STXBP5L: variants seen among roughly 807,000 people sequenced by gnomAD.
STXBP5L encodes the protein syntaxin-binding protein 5-like.
In STXBP5L, 65 loss-of-function variants were observed where a neutral mutation model predicts 144.5. The ratio of observed to expected loss-of-function variants is 0.45; its 90% confidence interval spans 0.37 to 0.55. The LOEUF is 0.55. STXBP5L is among the 20% of genes least tolerant of loss of function. The pLI is 0.00. For synonymous variants in STXBP5L, 505 were observed against 469.6 expected, an observed-to-expected ratio of 1.08 and a Z score of -0.97; for missense variants, 1,298 against 1,405.5, an observed-to-expected ratio of 0.92 and a Z score of 1.22.
chr3:121,280,909 CTAATAA>C (rs150499478), intron 19 of STXBP5L, among the ~76,000 whole-genome samples: 16 of 148,904 alleles, frequency 1.1e-4, no homozygotes, highest in Non-Finnish European at 2.2e-4. Context: ...GACCCCATCT[CTAATAA>C]TAATAATAAT....
chr3:121,105,601 TGGTG>T (rs1181608013), intron 5 of STXBP5L, among the ~76,000 whole-genome samples: 1 of 152,114 alleles, frequency 6.6e-6, no homozygotes, highest in East Asian at 1.9e-4. Flanking sequence ...TCTACACTGT[TGGTG>T]GGAATGTAAA....
At chr3:120,982,169 G>A (rs1459500055) in intron 3 of STXBP5L, among the ~76,000 whole-genome samples, 1 of 152,158 alleles carries the variant, frequency 6.6e-6, no homozygotes, top group African/African-American at 2.4e-5. Flanking sequence ...GTGTAAGAGT[G>A]GCTGTGGCAG....
At position 121,038,212 on chromosome 3, in the gene STXBP5L, CCTT is replaced by C. The variant is rs1261734402; in HGVS notation, c.288-3484_288-3482del. Among the ~76,000 whole-genome samples, 25 of 151,846 alleles carry C rather than the reference CCTT, an allele frequency of 1.6e-4. 1 individual carries two copies. Among genetic ancestry groups the C allele is most frequent in the South Asian group, 4.2e-4 (2 of 4,814 alleles). On this transcript the variant is annotated intron_variant, in intron 3 of 26. Coordinates refer to ENST00000471454, the MANE Select transcript of STXBP5L (RefSeq NM_001308330.2). Reference sequence around the variant, plus strand: ...AAATTAATTTGCTCTTCTTTTTCTACCTTCTTAAGATGAAAGCTTACATAATTT... The same window carrying C: ...AAATTAATTTGCTCTTCTTTTTCTACCTTAAGATGAAAGCTTACATAATTT...
chr3:120,911,167 A>G (rs1372816605), intron 2 of STXBP5L, among the ~76,000 whole-genome samples: 1 of 152,140 alleles, frequency 6.6e-6, no homozygotes, highest in Non-Finnish European at 1.5e-5. Flanking sequence ...GGTATAGGAA[A>G]GATAGACTTC....
Position 121,092,905 on chromosome 3 carries a change from G to C in STXBP5L, c.471-22020G>C, listed in dbSNP as rs185231009. 5.0e-3 allele frequency among the ~76,000 whole-genome samples: 764 copies of C among 152,228 alleles called. 8 individuals are homozygous for C. Among genetic ancestry groups the C allele is most frequent in the African/African-American group, 0.017 (719 of 41,568 alleles). On this transcript the variant is annotated intron_variant, in intron 5 of 26. Coordinates refer to ENST00000471454, the MANE Select transcript of STXBP5L (RefSeq NM_001308330.2). The stretch of plus-strand genomic sequence containing the variant: ...CCCATTCAGTATGATATTGGCTGTG[G>C]GTTTGTCATAGATAGCTGTTATTGT...
At chr3:121,024,049 T>C (rs1052788501) in intron 3 of STXBP5L, among the ~76,000 whole-genome samples, 6 of 152,064 alleles carry the variant, frequency 3.9e-5, no homozygotes, top group Non-Finnish European at 7.4e-5. Flanking sequence ...TGAGCCACCG[T>C]GCCTGGCCTA....
At chr3:121,100,341 T>A (rs1474995098) in intron 5 of STXBP5L, among the ~76,000 whole-genome samples, 1 of 152,070 alleles carries the variant, frequency 6.6e-6, no homozygotes, top group Admixed American at 6.6e-5. Context: ...CTTGACCACA[T>A]CCTGGTCCAT....
chr3:120,926,609 T>C (rs921426295), intron 2 of STXBP5L, among the ~76,000 whole-genome samples: 13 of 152,122 alleles, frequency 8.5e-5, no homozygotes, highest in African/African-American at 2.7e-4. Flanking sequence ...AGTTTTCTGT[T>C]ATTATTTCTT....
intron 10 of STXBP5L, among the ~76,000 whole-genome samples, chr3:121,209,406 TA>T (rs1298818780): frequency 6.6e-6 from 1 of 152,288 alleles, no homozygotes; most frequent in Non-Finnish European, 1.5e-5. Context: ...AAAGCATTCC[TA>T]TTTTTTTATG....
chr3:120,936,786 AT>A (rs1710287481), intron 2 of STXBP5L, among the ~76,000 whole-genome samples: 1 of 151,672 alleles, frequency 6.6e-6, no homozygotes, highest in South Asian at 2.1e-4. Flanking sequence ...ATTTTTTTGT[AT>A]TTTTAGGCCT....
intron 3 of STXBP5L, among the ~76,000 whole-genome samples, chr3:121,038,779 GT>G (rs536876385): frequency 6.6e-6 from 1 of 151,756 alleles, no homozygotes; most frequent in African/African-American, 2.4e-5. Flanking sequence ...CTGTAATTAG[GT>G]GTATAATTTA....
intron 2 of STXBP5L, among the ~76,000 whole-genome samples, chr3:120,930,388 G>A (rs992249008): frequency 1.3e-5 from 2 of 151,838 alleles, no homozygotes; most frequent in African/African-American, 4.8e-5. Context: ...TGTTTTGGCT[G>A]TGTTTTAGCT....
chr3:121,319,610 G>A (rs1180740393), intron 20 of STXBP5L, among the ~76,000 whole-genome samples: 2 of 151,900 alleles, frequency 1.3e-5, no homozygotes, highest in Non-Finnish European at 2.9e-5. Flanking sequence ...ACCCAATTTA[G>A]GTATTTATTG....
intron 9 of STXBP5L, among the ~76,000 whole-genome samples, chr3:121,177,187 T>TA (rs1431113829): frequency 6.6e-6 from 1 of 152,014 alleles, no homozygotes; most frequent in African/African-American, 2.4e-5. Flanking sequence ...AAAGACACTG[T>TA]AAAATAATAT....
chr3:120,974,241 G>A (rs537390149), intron 3 of STXBP5L, among the ~76,000 whole-genome samples: 68 of 152,176 alleles, frequency 4.5e-4, no homozygotes, highest in African/African-American at 1.5e-3. Context: ...ATTCTAACTG[G>A]TGTGAGATGG....
At chr3:121,369,254 A>C (rs2108656249) in intron 20 of STXBP5L, among the ~76,000 whole-genome samples, 1 of 152,078 alleles carries the variant, frequency 6.6e-6, no homozygotes, top group South Asian at 2.1e-4. Context: ...CCAGAGTTCC[A>C]CAGTAGTTCT....
intron 3 of STXBP5L, among the ~76,000 whole-genome samples, chr3:121,036,397 T>G (rs1030905612): frequency 2.0e-5 from 3 of 152,172 alleles, no homozygotes; most frequent in Non-Finnish European, 2.9e-5. Flanking sequence ...TATGGCTTTC[T>G]TATGGTTTTC....
At chr3:121,349,913 A>G (rs556719174) in intron 20 of STXBP5L, among the ~76,000 whole-genome samples, 83 of 152,080 alleles carry the variant, frequency 5.5e-4, no homozygotes, top group Middle Eastern at 3.4e-3. Context: ...TCTTTATCCA[A>G]TTTGCCAGTC....
intron 21 of STXBP5L, among the ~76,000 whole-genome samples, chr3:121,379,175 TAAGA>T (rs901339591): frequency 2.0e-5 from 3 of 152,070 alleles, no homozygotes; most frequent in African/African-American, 7.2e-5. Context: ...CCATAATAAT[TAAGA>T]GTTTATTTCA....
Sources: gnomAD v4.1 joint callset for allele counts (sites outside exome capture counted in the v4.1 genomes callset) on GRCh38, gnomAD v4.1.1 for gene constraint, MANE v1.5 for transcripts, NCBI Gene and HGNC (gene_info 2026-07-23, HGNC 2026-07-21) for gene names.